Variants in RNGTT observed in about 807,000 individuals in gnomAD.
RNGTT encodes mRNA-capping enzyme.
In RNGTT, 33 loss-of-function variants were observed where a neutral mutation model predicts 79.3. That is an observed-to-expected ratio of 0.42 (90% CI 0.32 to 0.56). RNGTT has a LOEUF of 0.56. RNGTT is among the 20% of genes least tolerant of loss of function. The probability of loss-of-function intolerance (pLI) is 0.17; values close to 1 mark genes in which losing one functional copy is unlikely to be tolerated. For synonymous variants in RNGTT, 222 were observed against 235.9 expected (o/e 0.94, Z 0.54); for missense variants, 497 against 739.1 (o/e 0.67, Z 3.80).
chr6:88,739,741 A>ATGT (rs1455986902), intron 13 of RNGTT, among the ~76,000 whole-genome samples: 1 of 33,194 alleles, frequency 3.0e-5, no homozygotes, highest in Non-Finnish European at 8.1e-5. Flanking sequence ...ATATATATAT[A>ATGT]TATATATATA....
intron 13 of RNGTT, among the ~76,000 whole-genome samples, chr6:88,713,450 C>G (rs980733161): frequency 6.6e-6 from 1 of 152,094 alleles, no homozygotes; most frequent in African/African-American, 2.4e-5. Flanking sequence ...AGGGGGAAGG[C>G]AAAGATGAAA....
At chr6:88,725,418 G>A (rs968286540) in intron 13 of RNGTT, among the ~76,000 whole-genome samples, 3 of 152,242 alleles carry the variant, frequency 2.0e-5, no homozygotes, top group African/African-American at 7.2e-5. Context: ...GGGTGGTAAA[G>A]CATTCCTTGG....
intron 9 of RNGTT, among the ~76,000 whole-genome samples, chr6:88,850,380 T>C (rs1156426940): frequency 6.6e-6 from 1 of 151,786 alleles, no homozygotes; most frequent in Non-Finnish European, 1.5e-5. Context: ...AAATCTACCA[T>C]AGCCATTAAA....
chr6:88,863,289 A>T (rs976517951), intron 8 of RNGTT, among the ~76,000 whole-genome samples: 4 of 152,230 alleles, frequency 2.6e-5, no homozygotes, highest in African/African-American at 9.6e-5. Context: ...AATGTCTTCT[A>T]CATAAGCATA....
At chr6:88,894,154 T>C (rs1357770489) in intron 6 of RNGTT, among the ~76,000 whole-genome samples, 1 of 152,198 alleles carries the variant, frequency 6.6e-6, no homozygotes, top group Non-Finnish European at 1.5e-5. Context: ...GCTTTGCACG[T>C]GCTGATACTG....
chr6:88,876,915 G>A (rs1782537142), intron 8 of RNGTT, among the ~76,000 whole-genome samples: 1 of 152,002 alleles, frequency 6.6e-6, no homozygotes, highest in South Asian at 2.1e-4. Context: ...TAATAAATTT[G>A]GTTGGTTTTT....
Position 88,614,266 on chromosome 6 carries a change from A to G in RNGTT, c.1630+6T>C. On this transcript the variant is annotated splice_donor_region_variant and intron_variant, in intron 15 of 15. Transcript: ENST00000369485. ...ATAATAAGCACTGGTAAGTTGTCAT[A>G]CTCACCCATGGCAGTGTTGTAGGCA... 6.2e-7 allele frequency: 1 copy of G among 1,613,524 alleles called. No homozygotes were observed. The highest frequency in any genetic ancestry group is 8.5e-7 in the Non-Finnish European group (1 of 1,179,676).
At chr6:88,778,543 T>G (rs1305796737) in intron 12 of RNGTT, among the ~76,000 whole-genome samples, 1 of 152,210 alleles carries the variant, frequency 6.6e-6, no homozygotes, top group Non-Finnish European at 1.5e-5. Flanking sequence ...ATGCAGTGGC[T>G]ATTCACAGGT....
intron 8 of RNGTT, among the ~76,000 whole-genome samples, chr6:88,882,213 T>C (rs1342541723): frequency 6.6e-6 from 1 of 152,250 alleles, no homozygotes. Flanking sequence ...TTTATTCTGC[T>C]ATCTTGTTTT....
Position 88,853,695 on chromosome 6 carries a change from A to C in RNGTT, c.966T>G (p.Val322=). The C allele has an allele frequency of 6.3e-7, 1 of 1,588,342 alleles. No homozygotes were observed. Among genetic ancestry groups the C allele is most frequent in the Non-Finnish European group, 8.6e-7 (1 of 1,160,226 alleles). The change falls in exon 9 of 16, where the codon GTT becomes GTG. Residue 322 remains valine (V), a synonymous_variant. Coordinates refer to ENST00000369485, the MANE Select transcript of RNGTT (RefSeq NM_003800.5). ...TACGAAATGGAAATTCCAGATTTGA[A>C]ACATGAAATACTGAATTGTCTCTAT... The part of the protein sequence containing the change: ...MIDRDNSVFH[V]SNLEFPFRKD...
intron 11 of RNGTT, among the ~76,000 whole-genome samples, chr6:88,842,514 G>C (rs1021615354): frequency 6.6e-6 from 1 of 152,048 alleles, no homozygotes; most frequent in East Asian, 1.9e-4. Flanking sequence ...GGCATAAACA[G>C]AATTAGTATG....
At chr6:88,698,983 G>T (rs2756361) in intron 13 of RNGTT, among the ~76,000 whole-genome samples, 2 of 152,014 alleles carry the variant, frequency 1.3e-5, no homozygotes, top group African/African-American at 4.8e-5. Flanking sequence ...GTCTTAAAAT[G>T]ATGAGTATAA....
intron 12 of RNGTT, among the ~76,000 whole-genome samples, chr6:88,793,463 C>A (rs1228313048): frequency 1.3e-5 from 2 of 152,168 alleles, no homozygotes; most frequent in African/African-American, 2.4e-5. Flanking sequence ...AAGAAGCTGA[C>A]CATGTCCACT....
chr6:88,703,969 G>A lies in RNGTT; in HGVS notation c.1440-25550C>T, dbSNP rs548849061. ...CAGTGTGACTGCTTATATTAAAAGA[G>A]AGACTTCAGGCCGGGTGCGGTGGCT... On this transcript the variant is annotated intron_variant, in intron 13 of 15. Transcript: ENST00000369485. 2.6e-5 allele frequency among the ~76,000 whole-genome samples: 4 copies of A among 152,154 alleles called. No homozygotes were observed. In the East Asian group the frequency reaches 7.7e-4, roughly 29 times the overall value.
chr6:88,862,733 C>T (rs1782052988), intron 8 of RNGTT, among the ~76,000 whole-genome samples: 1 of 152,246 alleles, frequency 6.6e-6, no homozygotes, highest in Admixed American at 6.5e-5. Flanking sequence ...ATATTAAGAT[C>T]CTCAGTTTCA....
chr6:88,809,189 CTG>C (rs1281377580), intron 11 of RNGTT, among the ~76,000 whole-genome samples: 9 of 151,944 alleles, frequency 5.9e-5, no homozygotes, highest in African/African-American at 1.9e-4. Flanking sequence ...CATCAGGAGT[CTG>C]TAACAATCTT....
intron 13 of RNGTT, among the ~76,000 whole-genome samples, chr6:88,765,321 A>G (rs1778424285): frequency 6.6e-6 from 1 of 151,990 alleles, no homozygotes; most frequent in African/African-American, 2.4e-5. Flanking sequence ...TTTCCACTTG[A>G]TAATACAGAG....
At chr6:88,768,849 C>A (rs1318347847) in intron 13 of RNGTT, among the ~76,000 whole-genome samples, 3 of 151,786 alleles carry the variant, frequency 2.0e-5, no homozygotes, top group Non-Finnish European at 2.9e-5. Context: ...AGATAGCAAC[C>A]AAAAAGTCAT....
chr6:88,821,805 CCT>C (rs1238859750), intron 11 of RNGTT, among the ~76,000 whole-genome samples: 4 of 150,424 alleles, frequency 2.7e-5, no homozygotes, highest in Non-Finnish European at 5.9e-5. Context: ...TTTTAATATT[CCT>C]CTCTTACCTA....
Sources: allele counts gnomAD v4.1 joint callset (sites outside exome capture counted in the v4.1 genomes callset), GRCh38; gene constraint gnomAD v4.1.1; transcripts MANE v1.5; gene names NCBI Gene and HGNC (gene_info 2026-07-23, HGNC 2026-07-21).